The following RBFOX1 variants were observed in gnomAD, a reference collection of about 807,000 sequenced individuals.
RBFOX1 encodes RNA binding protein fox-1 homolog 1.
In RBFOX1, 8 loss-of-function variants were observed where a neutral mutation model predicts 57.7. The observed-to-expected ratio is 0.14, with a 90% CI of 0.08 to 0.25. The LOEUF (loss-of-function observed/expected upper bound fraction) is 0.25. RBFOX1 is among the 10% of genes least tolerant of loss of function. The pLI is 1.00. For missense variants in RBFOX1, 611 were observed against 548.5 expected, an observed-to-expected ratio of 1.11 and a Z score of -1.14; for synonymous variants, 326 against 222.4, an observed-to-expected ratio of 1.47 and a Z score of -4.15.
chr16:6,724,548 C>G (rs144400773), intron 3 of RBFOX1, among the ~76,000 whole-genome samples: 1 of 152,014 alleles, frequency 6.6e-6, no homozygotes, highest in African/African-American at 2.4e-5. Context: ...TCACCAGACA[C>G]CAAATCTACC....
intron 3 of RBFOX1, among the ~76,000 whole-genome samples, chr16:6,673,570 C>G (rs1029052590): frequency 6.6e-6 from 1 of 152,098 alleles, no homozygotes; most frequent in Non-Finnish European, 1.5e-5. Flanking sequence ...CGCCACTGCA[C>G]TCAAGCCTGG....
intron 3 of RBFOX1, among the ~76,000 whole-genome samples, chr16:7,008,417 G>A (rs1379428363): frequency 1.3e-5 from 2 of 151,860 alleles, no homozygotes; most frequent in Non-Finnish European, 2.9e-5. Context: ...TGGCGCATCT[G>A]TAATTCCAGA....
At chr16:6,932,259 A>G (rs2076683198) in intron 3 of RBFOX1, among the ~76,000 whole-genome samples, 1 of 151,872 alleles carries the variant, frequency 6.6e-6, no homozygotes, top group African/African-American at 2.4e-5. Flanking sequence ...ATGCACCACC[A>G]CACCTGGCTA....
At chr16:5,328,693 C>T (rs184719843) in intron 1 of RBFOX1, among the ~76,000 whole-genome samples, 120 of 152,350 alleles carry the variant, frequency 7.9e-4, no homozygotes, top group African/African-American at 2.8e-3. Context: ...TCCCAGCCTC[C>T]TGCGGAGCTG....
intron 3 of RBFOX1, among the ~76,000 whole-genome samples, chr16:5,819,351 C>T (rs981905849): frequency 1.3e-5 from 2 of 152,204 alleles, no homozygotes; most frequent in Admixed American, 6.5e-5. Context: ...AGGGGCCTCA[C>T]CTCTTTTAGG....
intron 2 of RBFOX1, among the ~76,000 whole-genome samples, chr16:5,578,825 C>CCACACACACA (rs139917677): frequency 7.8e-6 from 1 of 129,022 alleles, no homozygotes; most frequent in Non-Finnish European, 1.6e-5. Flanking sequence ...CATGAAACCT[C>CCACACACACA]CACACACACA....
chr16:6,719,692 C>T (rs2065572580), intron 3 of RBFOX1, among the ~76,000 whole-genome samples: 1 of 151,914 alleles, frequency 6.6e-6, no homozygotes, highest in Non-Finnish European at 1.5e-5. Flanking sequence ...GTGATCCACC[C>T]ACCTTGGCCT....
intron 4 of RBFOX1, among the ~76,000 whole-genome samples, chr16:7,499,420 G>C (rs1172841961): frequency 6.6e-6 from 1 of 152,098 alleles, no homozygotes. Context: ...CCCATTCCCA[G>C]ATTAGGTTAC....
At chr16:5,421,827 G>A (rs189912957) in intron 1 of RBFOX1, among the ~76,000 whole-genome samples, 5 of 152,288 alleles carry the variant, frequency 3.3e-5, no homozygotes, top group Admixed American at 6.5e-5. Context: ...TGGAGAGGCC[G>A]TTGTTGGGTG....
chr16:6,079,730 G>T (rs980319058), intron 1 of RBFOX1, among the ~76,000 whole-genome samples: 2 of 152,132 alleles, frequency 1.3e-5, no homozygotes, highest in Non-Finnish European at 2.9e-5. Context: ...TAGCTACTCA[G>T]AAGGCTGAGA....
intron 3 of RBFOX1, among the ~76,000 whole-genome samples, chr16:6,903,762 G>C (rs1029848413): frequency 1.3e-5 from 2 of 152,190 alleles, no homozygotes; most frequent in Non-Finnish European, 2.9e-5. Flanking sequence ...GAGAGGCAGA[G>C]GGCTGAGGGC....
chr16:6,495,056 G>T (rs893102650), intron 2 of RBFOX1, among the ~76,000 whole-genome samples: 4 of 152,084 alleles, frequency 2.6e-5, no homozygotes, highest in African/African-American at 9.7e-5. Context: ...AGAGGTAGTC[G>T]GTCTGGCTGG....
rs112461127 is a variant in RBFOX1 at position 7,043,581 on chromosome 16, A to G, written c.-15-8476A>G. Among the ~76,000 whole-genome samples, 942 of 152,286 alleles carry G rather than the reference A, an allele frequency of 6.2e-3. 12 individuals carry two copies. Among genetic ancestry groups the G allele is most frequent in the African/African-American group, 0.022 (898 of 41,566 alleles). ...GCAACGCTGAGAAATAAAGCTACCA[A>G]TTGATTTGATATATTGAGTTCTATG... is the stretch of plus-strand genomic sequence containing the variant. On this transcript the variant is annotated intron_variant, in intron 3 of 15. Coordinates refer to ENST00000550418, the MANE Select transcript of RBFOX1 (RefSeq NM_018723.4).
chr16:7,209,916 G>T (rs574099442), intron 4 of RBFOX1, among the ~76,000 whole-genome samples: 61 of 152,280 alleles, frequency 4.0e-4, no homozygotes, highest in Non-Finnish European at 5.7e-4. Context: ...GTTCCATGAT[G>T]CACCATAGAG....
chr16:7,348,595 AAG>A (rs2097064512), intron 4 of RBFOX1, among the ~76,000 whole-genome samples: 1 of 152,214 alleles, frequency 6.6e-6, no homozygotes, highest in East Asian at 1.9e-4. Context: ...CAGTTGGGAA[AAG>A]AAGATAGGGA....
chr16:5,563,907 A>G (rs1364302013), intron 2 of RBFOX1, among the ~76,000 whole-genome samples: 1 of 152,012 alleles, frequency 6.6e-6, no homozygotes, highest in African/African-American at 2.4e-5. Flanking sequence ...TATTTTCTTA[A>G]GTTTCTTGTC....
At chr16:7,567,182 TAA>T (rs1491237319) in intron 5 of RBFOX1, among the ~76,000 whole-genome samples, 13 of 146,646 alleles carry the variant, frequency 8.9e-5, no homozygotes, top group African/African-American at 2.0e-4. Context: ...TATCCCTATA[TAA>T]ATATCCATAT....
At chr16:7,557,374 C>T (rs1434787873) in intron 5 of RBFOX1, among the ~76,000 whole-genome samples, 1 of 152,058 alleles carries the variant, frequency 6.6e-6, no homozygotes, top group Admixed American at 6.5e-5. Context: ...AATCCCAGCA[C>T]TTTGGGAGGC....
At position 7,104,463 on chromosome 16, in the gene RBFOX1, GA is replaced by G. The variant is rs572058707; in HGVS notation, c.27+52366del. Among the ~76,000 whole-genome samples, 845 of 152,216 alleles carry G rather than the reference GA, an allele frequency of 5.6e-3. 10 individuals carry two copies. Among genetic ancestry groups the G allele is most frequent in the African/African-American group, 0.019 (771 of 41,546 alleles). Reference sequence around the variant, plus strand: ...GGAGGGAAATTGATTCTAATTCATGGACAAGGAAAGAGTAAAATTTAAAAAC... The same window carrying G: ...GGAGGGAAATTGATTCTAATTCATGGCAAGGAAAGAGTAAAATTTAAAAAC... On this transcript the variant is annotated intron_variant, in intron 4 of 15. Coordinates refer to ENST00000550418, the MANE Select transcript of RBFOX1 (RefSeq NM_018723.4).
Sources: gnomAD v4.1 joint callset for allele counts (sites outside exome capture counted in the v4.1 genomes callset) on GRCh38, gnomAD v4.1.1 for gene constraint, MANE v1.5 for transcripts, NCBI Gene and HGNC (gene_info 2026-07-23, HGNC 2026-07-21) for gene names.